Variants in PHLDB2 observed in about 807,000 individuals in gnomAD.
The protein encoded by PHLDB2 is pleckstrin homology-like domain family B member 2.
PHLDB2 carries 71 observed loss-of-function variants against 123.6 expected under a neutral mutation model. That is an observed-to-expected ratio of 0.57 (90% CI 0.47 to 0.70). The LOEUF (loss-of-function observed/expected upper bound fraction) is 0.70. Among genes scored for constraint, PHLDB2 ranks in the 30% least tolerant of loss-of-function variants. PHLDB2 has a pLI of 0.00. For missense variants in PHLDB2, 1,446 were observed against 1,519.5 expected (o/e 0.95, Z 0.80); for synonymous variants, 547 against 541.6 (o/e 1.01, Z -0.14).
chr3:111,834,577 A>G (rs2063315171), intron 1 of PHLDB2, among the ~76,000 whole-genome samples: 1 of 151,786 alleles, frequency 6.6e-6, no homozygotes, highest in Admixed American at 6.6e-5. Flanking sequence ...TATCACAAAC[A>G]AGGATGCAGT....
chr3:111,795,421 C>T (rs1265834462), intron 1 of PHLDB2, among the ~76,000 whole-genome samples: 1 of 152,134 alleles, frequency 6.6e-6, no homozygotes, highest in Admixed American at 6.5e-5. Context: ...TGTGGTAAGC[C>T]TGAGCTGAGG....
At chr3:111,760,837 T>C (rs938507168) in intron 1 of PHLDB2, among the ~76,000 whole-genome samples, 2 of 152,052 alleles carry the variant, frequency 1.3e-5, no homozygotes, top group East Asian at 3.9e-4. Flanking sequence ...AGGTGAGAAG[T>C]TTGGGAGAGG....
intron 1 of PHLDB2, among the ~76,000 whole-genome samples, chr3:111,755,357 A>G (rs908899297): frequency 1.4e-5 from 2 of 145,370 alleles, no homozygotes; most frequent in African/African-American, 5.2e-5. Context: ...CAGAGATTCA[A>G]CTTCTTCCTG....
intron 2 of PHLDB2, among the ~76,000 whole-genome samples, chr3:111,854,084 G>C (rs982705284): frequency 6.6e-5 from 10 of 152,132 alleles, no homozygotes; most frequent in Admixed American, 3.9e-4. Flanking sequence ...TACAATCATG[G>C]CAAAAGGCAA....
intron 12 of PHLDB2, among the ~76,000 whole-genome samples, chr3:111,960,522 T>C (rs1174799413): frequency 6.6e-6 from 1 of 152,236 alleles, no homozygotes; most frequent in Non-Finnish European, 1.5e-5. Context: ...ACTAAAACCA[T>C]TTTACAGAAA....
At position 111,869,139 on chromosome 3, in the gene PHLDB2, C is replaced by T. The variant is rs117796865; in HGVS notation, c.-15+9563C>T. Among the ~76,000 whole-genome samples, 59 of 152,250 alleles carry T rather than the reference C, an allele frequency of 3.9e-4. No individual in the cohort carries two copies. In the East Asian group the frequency reaches 5.2e-3, roughly 13 times the overall value. ...GATTGTGATTACTTTTAGGAACCTT[C>T]GAATACCATCTGGAATTTTTTTTTT... On this transcript the variant is annotated intron_variant, in intron 1 of 17. Transcript: ENST00000431670.
At chr3:111,787,140 G>T (rs929868198) in intron 1 of PHLDB2, among the ~76,000 whole-genome samples, 25 of 152,160 alleles carry the variant, frequency 1.6e-4, no homozygotes, top group African/African-American at 6.0e-4. Flanking sequence ...TAACAATTGT[G>T]TTGGATGTCT....
At chr3:111,740,238 A>G (rs561933776) in intron 1 of PHLDB2, among the ~76,000 whole-genome samples, 1 of 152,298 alleles carries the variant, frequency 6.6e-6, no homozygotes, top group Admixed American at 6.5e-5. Context: ...AGTGATGGCA[A>G]AGAACCTCTG....
intron 2 of PHLDB2, among the ~76,000 whole-genome samples, chr3:111,889,391 G>T (rs2066349426): frequency 6.7e-6 from 1 of 148,682 alleles, no homozygotes; most frequent in Admixed American, 6.8e-5. Context: ...ATCAAATCAG[G>T]TCTTTTTTTT....
intron 3 of PHLDB2, chr3:111,915,217 T>C (rs1000017609): frequency 1.3e-5 from 2 of 152,182 alleles, no homozygotes; most frequent in East Asian, 1.9e-4. Flanking sequence ...ATTGACTCTT[T>C]AAGAGGAAGA....
At position 111,779,252 on chromosome 3, in the gene PHLDB2, TCTTTTTC is replaced by T. The variant is rs2060323488; in HGVS notation, c.-49+46550_-49+46556del. Among the ~76,000 whole-genome samples the T allele has an allele frequency of 2.0e-5, 3 of 151,732 alleles. No homozygotes were observed. The East Asian group carries it at 5.8e-4, about 29-fold the overall frequency. Reference sequence around the variant, plus strand: ...GGTTCCCAAAATCTATATATTTTTTTCTTTTTCAACTTTTATTATAGAATCTGGGGTA... The same window carrying T: ...GGTTCCCAAAATCTATATATTTTTTTAACTTTTATTATAGAATCTGGGGTA... On this transcript the variant is annotated intron_variant, in intron 1 of 17. Transcript: ENST00000393923.
chr3:111,884,924 C>T lies in PHLDB2; in HGVS notation c.847C>T (p.Arg283Ter), dbSNP rs201915760. The T allele has an allele frequency of 9.9e-6, 16 of 1,614,066 alleles. No individual in the cohort carries two copies. The highest frequency in any genetic ancestry group is 1.6e-4 in the Middle Eastern group (1 of 6,062). ...AAGAAACTCTCTGGGCAATTCCAAA[C>T]GAACAAAACTTGGGGAAAAGGATCT... ...PPRNSLGNSK[R>*]TKLGEKDLPH... The change falls in exon 2 of 18, where the codon CGA (arginine) becomes TGA (stop). Residue 283 changes from arginine (R) to a stop codon, truncating the protein, a stop_gained. Transcript: ENST00000431670. LOFTEE classifies it high-confidence loss of function.
intron 10 of PHLDB2, among the ~76,000 whole-genome samples, chr3:111,951,786 G>A (rs1487314202): frequency 1.3e-5 from 2 of 151,940 alleles, no homozygotes; most frequent in African/African-American, 4.8e-5. Context: ...TAGTTTTGGG[G>A]GGAACAGGTA....
At chr3:111,959,095 C>G (rs1243010730) in intron 12 of PHLDB2, among the ~76,000 whole-genome samples, 2 of 152,246 alleles carry the variant, frequency 1.3e-5, no homozygotes, top group Admixed American at 6.5e-5. Context: ...TCTCCTTGGG[C>G]CTCCTACCAG....
intron 2 of PHLDB2, chr3:111,885,915 C>T (rs143990932): frequency 8.3e-6 from 3 of 359,822 alleles, no homozygotes; most frequent in African/African-American, 4.2e-5. Context: ...CCACACTGTT[C>T]ATACACAACC....
intron 1 of PHLDB2, among the ~76,000 whole-genome samples, chr3:111,796,451 A>G (rs982153500): frequency 6.6e-6 from 1 of 152,138 alleles, no homozygotes; most frequent in African/African-American, 2.4e-5. Context: ...GTAATTCTCT[A>G]TATCTCCTTA....
At position 111,821,059 on chromosome 3, in the gene PHLDB2, A is replaced by G. The variant is rs180867929; in HGVS notation, c.-48-24762A>G. ...TCTCCTCTCCTGGAGACTTCAGGAA[A>G]AGTCTCCTTTTAGGTCTTATGTGGG... On this transcript the variant is annotated intron_variant, in intron 1 of 17. Coordinates refer to the PHLDB2 transcript ENST00000393923. 2.0e-5 allele frequency among the ~76,000 whole-genome samples: 3 copies of G among 152,300 alleles called. No individual in the cohort carries two copies. The East Asian group carries it at 5.8e-4, about 29-fold the overall frequency.
intron 1 of PHLDB2, among the ~76,000 whole-genome samples, chr3:111,871,184 A>G (rs2065320754): frequency 6.6e-6 from 1 of 152,176 alleles, no homozygotes; most frequent in African/African-American, 2.4e-5. Flanking sequence ...TCTGTATATG[A>G]CAGTGTGAAA....
intron 1 of PHLDB2, among the ~76,000 whole-genome samples, chr3:111,752,338 G>A (rs945146771): frequency 1.3e-5 from 2 of 151,706 alleles, no homozygotes; most frequent in African/African-American, 4.8e-5. Context: ...TTTTCTCATA[G>A]GCTCTCTACT....
Sources: allele counts gnomAD v4.1 joint callset (sites outside exome capture counted in the v4.1 genomes callset), GRCh38; gene constraint gnomAD v4.1.1; transcripts MANE v1.5; gene names NCBI Gene and HGNC (gene_info 2026-07-23, HGNC 2026-07-21).